The following UNC45A variants were observed in gnomAD, a reference collection of about 807,000 sequenced individuals.
UNC45A encodes protein unc-45 homolog A.
UNC45A carries 78 observed loss-of-function variants against 103.2 expected under a neutral mutation model. The observed-to-expected ratio is 0.76, with a 90% confidence interval of 0.63 to 0.91. The LOEUF is 0.91. Ranked by LOEUF, UNC45A falls within the 40% of genes least tolerant of loss-of-function variation. The pLI, the probability that UNC45A is intolerant of heterozygous loss-of-function variation, is 0.00. For synonymous variants in UNC45A, 495 were observed against 504.6 expected, an observed-to-expected ratio of 0.98 and a Z score of 0.25; for missense variants, 1,193 against 1,224.8, an observed-to-expected ratio of 0.97 and a Z score of 0.39.
Position 90,945,010 on chromosome 15 carries a change from C to T in UNC45A, c.1146C>T (p.Leu382=). 4 of 1,613,126 alleles carry T rather than the reference C, an allele frequency of 2.5e-6. No individual in the cohort carries two copies. The highest frequency in any genetic ancestry group is 1.3e-5 in the African/African-American group (1 of 75,018). Residue 382 remains leucine, a synonymous_variant, in exon 9 of 20, where the codon CTC becomes CTT. Coordinates refer to ENST00000418476, the MANE Select transcript of UNC45A (RefSeq NM_018671.5). ...TCCTCAGCAAGCTCTTTGATGACCT[C>T]AAGTGTGATGCGGAGAGGGAGAATT... ...SILLSKLFDD[L]KCDAERENFH...
At chr15:90,947,558 ACTGT>A in intron 10 of UNC45A, 1 of 558,500 alleles carries the variant, frequency 1.8e-6, no homozygotes, top group East Asian at 3.0e-5. Flanking sequence ...GGGGCCCACG[ACTGT>A]CCAGCGGCCA....
rs141793988 is a variant in UNC45A, at chr15:90,949,926, C to G, written c.2073+206C>G. On this transcript the variant is annotated intron_variant, in intron 15 of 19. Transcript: ENST00000418476. ...CTGGTGCCTGTGAAGGTCCTAGGCT[C>G]TACTGTTCCTTTGTCTCATTTACCC... 932 of 671,990 alleles carry G rather than the reference C, an allele frequency of 1.4e-3. 3 individuals carry two copies. The highest frequency in any genetic ancestry group is 2.9e-3 in the Admixed American group (106 of 36,838). 41.6% of individuals were successfully genotyped at this position (671,990 alleles called of 1,614,324 possible).
chr15:90,950,346 G>T, intron 16 of UNC45A, 79 bp downstream of exon 16: 2 of 1,505,982 alleles, frequency 1.3e-6, no homozygotes, highest in South Asian at 2.4e-5. Flanking sequence ...TCCCCTTTGG[G>T]ACCAGCAGGA....
In UNC45A at chr15:90,943,052, A is replaced by G; in HGVS notation, c.997A>G (p.Asn333Asp). 6.2e-7 allele frequency: 1 copy of G among 1,614,006 alleles called. No homozygotes were observed. The highest frequency in any genetic ancestry group is 1.1e-5 in the South Asian group (1 of 91,068). The change falls in exon 8 of 20, where the codon AAC (asparagine) becomes GAC (aspartate). Residue 333 changes from asparagine to aspartate, a missense_variant. By Grantham distance (23) the Asn-to-Asp change is conservative (BLOSUM62 1). Transcript: ENST00000418476. The stretch of plus-strand genomic sequence containing the variant: ...CCGGAAGTCTCTCAAGGACCCCAAC[A>G]ACAGCCTCACCCTCTGGGTCATCGA... The part of the protein sequence containing the change: ...VPRKSLKDPN[N>D]SLTLWVIDQG...
At chr15:90,946,942 G>A in intron 10 of UNC45A, 28 bp downstream of exon 10, 12 of 817,342 alleles carry the variant, frequency 1.5e-5, no homozygotes, top group East Asian at 3.3e-5. Context: ...GGGTGGGTGG[G>A]CAGGCAGCCA....
chr15:90,935,402 C>A, intron 1 of UNC45A, 27 bp downstream of exon 1: 1 of 1,583,630 alleles, frequency 6.3e-7, no homozygotes, highest in South Asian at 1.1e-5. Flanking sequence ...CGCGCCATCA[C>A]CCCTTCGCAC....
upstream of UNC45A, chr15:90,933,413 G>A (rs1383913351): frequency 2.0e-5 from 3 of 152,370 alleles, no homozygotes; most frequent in Non-Finnish European, 2.9e-5. Context: ...GCAGCTGAGG[G>A]GTAAGAGAGA....
chr15:90,939,926 G>A (rs2036205486), intron 5 of UNC45A, 103 bp downstream of exon 5: 2 of 1,113,472 alleles, frequency 1.8e-6, no homozygotes, highest in Admixed American at 4.4e-5. Flanking sequence ...CTCCAATCGT[G>A]CAGCTGGGCT....
At chr15:90,935,515 C>A (rs781202834) in intron 1 of UNC45A, 29 bp from the exon 2 acceptor site, 3 of 1,578,242 alleles carry the variant, frequency 1.9e-6, no homozygotes, top group South Asian at 2.3e-5. Flanking sequence ...GAACCCCCTC[C>A]GACGTTTCCG....
intron 8 of UNC45A, among the ~76,000 whole-genome samples, chr15:90,943,986 G>GTTTTTTTTTTTTTTTTTT (rs953436599): frequency 3.8e-5 from 3 of 78,320 alleles, no homozygotes; most frequent in South Asian, 5.8e-4. Context: ...ATTGTGCCCT[G>GTTTTTTTTTTTTTTTTTT]TTTTTTTTTT....
Position 90,945,743 on chromosome 15 carries a change from C to T in UNC45A, c.1199+680C>T, listed in dbSNP as rs1001907634. 4.6e-5 allele frequency among the ~76,000 whole-genome samples: 7 copies of T among 151,686 alleles called. No homozygotes were observed. In the East Asian group the frequency reaches 7.8e-4, roughly 17 times the overall value. ...ACCCTCCCAGGTTCAAGCAATTCTC[C>T]TGCCTCAGCTTCCCAAGTAGCTGGG... On this transcript the variant is annotated intron_variant, in intron 9 of 19. Coordinates refer to ENST00000418476, the MANE Select transcript of UNC45A (RefSeq NM_018671.5).
In UNC45A at chr15:90,939,823, G is replaced by T; in HGVS notation, c.519G>T (p.Lys173Asn). ...PEEKGTEKKQ[K>N]ASQNLVVLAR... ...AGAAGGGCACTGAGAAAAAGCAAAA[G>T]GTATAGGCCCTGGGCTGAGTCAGTG... The change falls in exon 5 of 20, where the codon AAG (lysine) becomes AAT (asparagine). Residue 173 changes from lysine to asparagine, a missense_variant and splice_region_variant. By Grantham distance (94) the Lys-to-Asn change is moderately conservative (BLOSUM62 0). Transcript: ENST00000418476. 6.2e-7 allele frequency: 1 copy of T among 1,613,888 alleles called. No individual in the cohort carries two copies.
rs777786949 is a variant in UNC45A, at chr15:90,940,321, G to C, written c.535G>C (p.Val179Leu). ...TTTGACGCAGGCTTCTCAGAACCTGGTGGTGCTGGCCAGGGAGGATGCTGG... is the reference window on the plus strand; with the variant it reads ...TTTGACGCAGGCTTCTCAGAACCTGCTGGTGCTGGCCAGGGAGGATGCTGG... The part of the protein sequence containing the change: ...EKKQKASQNL[V>L]VLAREDAGAE... Residue 179 changes from valine to leucine, a missense_variant, in exon 6 of 20, where the codon GTG (valine) becomes CTG (leucine). Physicochemically the swap from Val to Leu is conservative, Grantham distance 32 (BLOSUM62 1). Transcript: ENST00000418476. 2 of 1,613,500 alleles carry C rather than the reference G, an allele frequency of 1.2e-6. No homozygotes were observed. Among genetic ancestry groups the C allele is most frequent in the Middle Eastern group, 1.7e-4 (1 of 6,058 alleles).
upstream of UNC45A, chr15:90,932,060 ACAC>A (rs752839383): frequency 6.2e-7 from 1 of 1,613,154 alleles, no homozygotes; most frequent in South Asian, 1.1e-5. Context: ...GTTACCTGTA[ACAC>A]CACAATGTCA....
intron 3 of UNC45A, 59 bp downstream of exon 3, chr15:90,936,041 C>T (rs980774498): frequency 2.5e-6 from 4 of 1,607,148 alleles, no homozygotes; most frequent in Non-Finnish European, 3.4e-6. Flanking sequence ...GGCAAGGACT[C>T]TGGGACCGCT....
At chr15:90,939,932 G>T in intron 5 of UNC45A, 109 bp downstream of exon 5, 1 of 999,060 alleles carries the variant, frequency 1.0e-6, no homozygotes, top group Non-Finnish European at 1.5e-6. Context: ...TCGTGCAGCT[G>T]GGCTCACGGG....
intron 6 of UNC45A, among the ~76,000 whole-genome samples, chr15:90,941,355 C>T (rs956771944): frequency 2.0e-5 from 3 of 152,206 alleles, no homozygotes; most frequent in African/African-American, 4.8e-5. Flanking sequence ...CCAGCTCTTA[C>T]CTGAGCTGGC....
chr15:90,931,841 T>C, upstream of UNC45A: 1 of 1,614,138 alleles, frequency 6.2e-7, no homozygotes, highest in Non-Finnish European at 8.5e-7. Flanking sequence ...AGTCTTGTCA[T>C]CTGTTACCTC....
intron 6 of UNC45A, among the ~76,000 whole-genome samples, chr15:90,941,840 T>A (rs1038115566): frequency 6.6e-6 from 1 of 151,304 alleles, no homozygotes; most frequent in African/African-American, 2.4e-5. Context: ...GCGCCTGTAA[T>A]CCCAGTTACT....
Sources: allele counts gnomAD v4.1 joint callset (sites outside exome capture counted in the v4.1 genomes callset), GRCh38; gene constraint gnomAD v4.1.1; transcripts MANE v1.5; gene names NCBI Gene and HGNC (gene_info 2026-07-23, HGNC 2026-07-21).